The following OTULINL variants were observed in gnomAD, a reference collection of about 807,000 sequenced individuals.
OTULINL encodes OTU deubiquitinase with linear linkage specificity like.
A neutral mutation model predicts 43.9 loss-of-function variants in OTULINL; 42 were observed. The observed-to-expected ratio is 0.96, with a 90% CI of 0.75 to 1.24. OTULINL has a LOEUF of 1.24. Ranked by LOEUF, OTULINL falls within the 50% of genes most tolerant of loss-of-function variation. OTULINL has a pLI of 0.00. For missense variants in OTULINL, 411 were observed against 426.4 expected (o/e 0.96, Z 0.32); for synonymous variants, 172 against 153.6 (o/e 1.12, Z -0.88).
intron 1 of OTULINL, among the ~76,000 whole-genome samples, chr5:14,586,988 G>T (rs1456334628): frequency 6.6e-6 from 1 of 152,126 alleles, no homozygotes. Context: ...AGTTCCAAAT[G>T]GCTCAGGAAT....
Position 14,615,074 on chromosome 5 carries a change from A to C in OTULINL, c.*4760A>C, listed in dbSNP as rs577152885. 4.2e-6 allele frequency: 1 copy of C among 240,908 alleles called. No homozygotes were observed. Among genetic ancestry groups the C allele is most frequent in the East Asian group, 7.9e-5 (1 of 12,596 alleles). 14.9% of individuals were successfully genotyped at this position (240,908 alleles called of 1,614,324 possible). A position where few individuals can be genotyped will look rare whatever the true frequency, so the allele number is the denominator to read the frequency against. On this transcript the variant is annotated 3_prime_UTR_variant, in exon 8 of 8. Coordinates refer to ENST00000274217, the MANE Select transcript of OTULINL (RefSeq NM_019018.3). ...ACGAGTATAAATTTAAAACAGAAAC[A>C]TCAAGGTGTCAGCAATCATGATTTT... is the stretch of plus-strand genomic sequence containing the variant.
At chr5:14,596,276 C>T (rs1759286161) in intron 1 of OTULINL, among the ~76,000 whole-genome samples, 1 of 152,190 alleles carries the variant, frequency 6.6e-6, no homozygotes, top group Non-Finnish European at 1.5e-5. Flanking sequence ...ATCACCAAGC[C>T]TTCCACAGGC....
chr5:14,589,816 G>A (rs959384615), intron 1 of OTULINL, among the ~76,000 whole-genome samples: 10 of 152,182 alleles, frequency 6.6e-5, no homozygotes, highest in African/African-American at 2.2e-4. Context: ...GCCAGGTGTG[G>A]TGGCAGGTGC....
At chr5:14,587,840 C>T (rs1306924804) in intron 1 of OTULINL, among the ~76,000 whole-genome samples, 1 of 152,192 alleles carries the variant, frequency 6.6e-6, no homozygotes, top group Non-Finnish European at 1.5e-5. Context: ...GCTGCATCTT[C>T]TCCCATATGT....
In OTULINL at chr5:14,581,959, G is replaced by A. The variant is rs1320474747; in HGVS notation, c.64+1G>A. On this transcript the variant is annotated splice_donor_variant, in intron 1 of 7. Coordinates refer to ENST00000274217, the MANE Select transcript of OTULINL (RefSeq NM_019018.3). LOFTEE classifies it high-confidence loss of function. ...GAGCGGTCTGGCGCTCCCGCCGCAGGTGAGCCTGGGGCCGGGCGGGGCGGG... is the reference window on the plus strand; with the variant it reads ...GAGCGGTCTGGCGCTCCCGCCGCAGATGAGCCTGGGGCCGGGCGGGGCGGG... The A allele has an allele frequency of 4.5e-6, 6 of 1,344,664 alleles. No individual in the cohort carries two copies. The highest frequency in any genetic ancestry group is 5.7e-6 in the Non-Finnish European group (6 of 1,048,574). The allele number at this position is 1,344,664 out of a possible 1,614,324, so 83.3% of individuals were successfully genotyped here. A position where few individuals can be genotyped will look rare whatever the true frequency, so the allele number is the denominator to read the frequency against.
intron 1 of OTULINL, among the ~76,000 whole-genome samples, chr5:14,589,594 CAGG>C (rs1759163646): frequency 6.6e-6 from 1 of 152,128 alleles, no homozygotes; most frequent in South Asian, 2.1e-4. Flanking sequence ...CCAGGCAAAC[CAGG>C]AGGAGTTGGC....
intron 1 of OTULINL, among the ~76,000 whole-genome samples, chr5:14,585,939 T>C (rs922500409): frequency 3.9e-5 from 6 of 152,264 alleles, no homozygotes; most frequent in African/African-American, 1.4e-4. Flanking sequence ...TTAACATTTG[T>C]ATACTGTTGT....
In OTULINL at chr5:14,581,824, C is replaced by G. The variant is rs906706151; in HGVS notation, c.-71C>G. The G allele has an allele frequency of 1.1e-4, 132 of 1,235,140 alleles. No homozygotes were observed. The African/African-American group carries it at 1.5e-3, about 14-fold the overall frequency. 76.5% of individuals were successfully genotyped at this position (1,235,140 alleles called of 1,614,324 possible). Reference sequence around the variant, plus strand: ...GGAAGCGAGCCCGGGCGCCGGCGGGCGGCCGTCGCGTCTGACAGACCACTG... The same window carrying G: ...GGAAGCGAGCCCGGGCGCCGGCGGGGGGCCGTCGCGTCTGACAGACCACTG... On this transcript the variant is annotated 5_prime_UTR_variant, in exon 1 of 8. Transcript: ENST00000274217.
At position 14,600,850 on chromosome 5, in the gene OTULINL, G is replaced by A. The variant is rs188151005; in HGVS notation, c.65-115G>A. 3.9e-5 allele frequency: 36 copies of A among 918,092 alleles called. No homozygotes were observed. The Admixed American group carries it at 5.6e-4, about 14-fold the overall frequency. 56.9% of individuals were successfully genotyped at this position (918,092 alleles called of 1,614,324 possible). On this transcript the variant is annotated intron_variant, in intron 1 of 7. Transcript: ENST00000274217. ...TTTAAAAATATTTATGTAAATCAGTGATAGATACTTTGCAGGTAAAATTAT... is the reference window on the plus strand; with the variant it reads ...TTTAAAAATATTTATGTAAATCAGTAATAGATACTTTGCAGGTAAAATTAT...
chr5:14,611,007 T>C lies in OTULINL; in HGVS notation c.*693T>C, dbSNP rs1759572539. On this transcript the variant is annotated 3_prime_UTR_variant, in exon 8 of 8. Transcript: ENST00000274217. ...TTTTATCTGGCCAGCTTAATAGTTT[T>C]ATTTAGATTTTTTAAAATTCTGTAG... 6.6e-6 allele frequency: 1 copy of C among 152,226 alleles called. No homozygotes were observed. The highest frequency in any genetic ancestry group is 2.4e-5 in the African/African-American group (1 of 41,458). The allele number at this position is 152,226 out of a possible 1,614,324, so 9.4% of individuals were successfully genotyped here. A position where few individuals can be genotyped will look rare whatever the true frequency, so the allele number is the denominator to read the frequency against.
In OTULINL at chr5:14,614,614, C is replaced by T. The variant is rs1579932533; in HGVS notation, c.*4300C>T. The T allele has an allele frequency of 2.3e-5, 9 of 398,484 alleles. No individual in the cohort carries two copies. In the East Asian group the frequency reaches 2.5e-4, roughly 11 times the overall value. The allele number at this position is 398,484 out of a possible 1,614,324, so 24.7% of individuals were successfully genotyped here. A position where few individuals can be genotyped will look rare whatever the true frequency, so the allele number is the denominator to read the frequency against. ...AAGTGGACAGAAAAACACTCACTCA[C>T]GTATTCAGCCACGTATGGTCTGGAG... On this transcript the variant is annotated 3_prime_UTR_variant, in exon 8 of 8. Coordinates refer to ENST00000274217, the MANE Select transcript of OTULINL (RefSeq NM_019018.3).
intron 1 of OTULINL, among the ~76,000 whole-genome samples, chr5:14,585,517 G>A (rs1025779206): frequency 2.1e-4 from 32 of 152,056 alleles, no homozygotes; most frequent in Non-Finnish European, 3.8e-4. Context: ...TCTCTGGCTC[G>A]GGTCTCAAGG....
intron 6 of OTULINL, 89 bp from the exon 7 acceptor site, chr5:14,608,659 G>T (rs1759520360): frequency 9.5e-7 from 1 of 1,056,736 alleles, no homozygotes. Context: ...ATTAATCTTT[G>T]GTTTATTTTA....
chr5:14,608,996 C>T lies in OTULINL; in HGVS notation c.876C>T (p.Gly292=), dbSNP rs149304722. ...TGATGAATCACCTGAATTCTGTAGGCGACACATGTGGACTAGAGCAGGTAA... is the reference window on the plus strand; with the variant it reads ...TGATGAATCACCTGAATTCTGTAGGTGACACATGTGGACTAGAGCAGGTAA... ...SFMMNHLNSV[G]DTCGLEQIDM... Residue 292 remains glycine (G), a synonymous_variant, in exon 7 of 8, where the codon GGC becomes GGT. Transcript: ENST00000274217. 8.2e-5 allele frequency: 132 copies of T among 1,613,304 alleles called. No homozygotes were observed. The African/African-American group carries it at 1.2e-3, about 15-fold the overall frequency.
intron 1 of OTULINL, among the ~76,000 whole-genome samples, chr5:14,593,706 T>A (rs2126774506): frequency 6.6e-6 from 1 of 152,364 alleles, no homozygotes; most frequent in Admixed American, 6.5e-5. Context: ...CTAGAAGATG[T>A]GCCCAGTCAA....
At chr5:14,592,374 A>G (rs917434685) in intron 1 of OTULINL, among the ~76,000 whole-genome samples, 2 of 152,204 alleles carry the variant, frequency 1.3e-5, no homozygotes, top group Non-Finnish European at 2.9e-5. Context: ...TACTCAGGGG[A>G]AGGCAGTAAT....
In OTULINL at chr5:14,615,923, A is replaced by G. The variant is rs35961457; in HGVS notation, c.*5609A>G. Among the ~76,000 whole-genome samples the G allele has an allele frequency of 2.0e-3, 299 of 152,342 alleles. 2 individuals carry two copies. Among genetic ancestry groups the G allele is most frequent in the Non-Finnish European group, 1.6e-3 (108 of 68,034 alleles). ...TTTGTACTATACAGAAGGACACACC[A>G]CAGATCCTCTTTTTAAAGCAGGTAA... On this transcript the variant is annotated 3_prime_UTR_variant, in exon 8 of 8. Transcript: ENST00000274217.
At chr5:14,582,625 C>T (rs1035505233) in intron 1 of OTULINL, among the ~76,000 whole-genome samples, 3 of 151,968 alleles carry the variant, frequency 2.0e-5, no homozygotes, top group Non-Finnish European at 4.4e-5. Flanking sequence ...GAAACCCTGG[C>T]CAGCATAGTG....
rs1759014545 is a variant in OTULINL, at chr5:14,582,191, G to A, written c.64+233G>A. ...CGCTGTCGGGGACGGGGTAGCACTT[G>A]AATAAGGGAGGCCAAGCTGCTTAGG... On this transcript the variant is annotated intron_variant, in intron 1 of 7. Transcript: ENST00000274217. Among the ~76,000 whole-genome samples the A allele has an allele frequency of 3.9e-5, 6 of 152,062 alleles. 1 individual carries two copies. The South Asian group carries it at 1.2e-3, about 31-fold the overall frequency.
Sources: allele counts gnomAD v4.1 joint callset (sites outside exome capture counted in the v4.1 genomes callset), GRCh38; gene constraint gnomAD v4.1.1; transcripts MANE v1.5; gene names NCBI Gene and HGNC (gene_info 2026-07-23, HGNC 2026-07-21).